The following NFATC1 variants were observed in gnomAD, a reference collection of about 807,000 sequenced individuals.
NFATC1 encodes nuclear factor of activated T-cells, cytoplasmic 1.
NFATC1 carries 22 observed loss-of-function variants against 76.0 expected under a neutral mutation model. That is an observed-to-expected ratio of 0.29 (90% CI 0.21 to 0.41). NFATC1 has a LOEUF of 0.41. Ranked by LOEUF, NFATC1 falls within the 10% of genes least tolerant of loss-of-function variation. The probability of loss-of-function intolerance (pLI) is 1.00; values close to 1 mark genes in which losing one functional copy is unlikely to be tolerated. For synonymous variants in NFATC1, 704 were observed against 613.1 expected (o/e 1.15, Z -2.19); for missense variants, 1,357 against 1,337.7 (o/e 1.01, Z -0.23).
intron 9 of NFATC1, chr18:79,493,636 A>T: frequency 6.6e-6 from 1 of 152,114 alleles, no homozygotes; most frequent in Non-Finnish European, 1.5e-5. Flanking sequence ...GCTGCTCCGG[A>T]GGACGAGAAG....
At chr18:79,472,948 G>A (rs1011375766) in intron 8 of NFATC1, among the ~76,000 whole-genome samples, 13 of 152,204 alleles carry the variant, frequency 8.5e-5, no homozygotes, top group Non-Finnish European at 1.8e-4. Context: ...CCCTCCAAGG[G>A]CCTAAAACGC....
chr18:79,448,982 C>T lies in NFATC1; in HGVS notation c.1587C>T (p.Ala529=), dbSNP rs770764215. 2.8e-5 allele frequency: 45 copies of T among 1,612,802 alleles called. No individual in the cohort carries two copies. The highest frequency in any genetic ancestry group is 3.3e-5 in the South Asian group (3 of 91,082). ...IPLLPENSMR[A]VIDCAGILKL... is the part of the protein sequence containing the mutation. ...TCCTGCCGGAGAACAGCATGCGAGCCGTGTAAGCCGCGGGGGACCTCCGGC... is the reference window on the plus strand; with the variant it reads ...TCCTGCCGGAGAACAGCATGCGAGCTGTGTAAGCCGCGGGGGACCTCCGGC... Residue 529 remains alanine (A), a splice_region_variant and synonymous_variant, in exon 4 of 10, where the codon GCC becomes GCT. Coordinates refer to ENST00000427363, the MANE Select transcript of NFATC1 (RefSeq NM_001278669.2).
intron 3 of NFATC1, among the ~76,000 whole-genome samples, chr18:79,447,057 T>C (rs2087237969): frequency 6.6e-6 from 1 of 152,254 alleles, no homozygotes; most frequent in African/African-American, 2.4e-5. Context: ...GCCTCGTCCC[T>C]GGAGGGCTCT....
chr18:79,427,745 T>C (rs1600682319), intron 2 of NFATC1, among the ~76,000 whole-genome samples: 1 of 18,552 alleles, frequency 5.4e-5, no homozygotes. Context: ...CTCTGTGCAG[T>C]GGGTGGGGGG....
chr18:79,397,914 T>C (rs575288718), intron 1 of NFATC1, among the ~76,000 whole-genome samples: 1 of 152,056 alleles, frequency 6.6e-6, no homozygotes, highest in East Asian at 1.9e-4. Flanking sequence ...CCGACCGACA[T>C]GGGTGTATTT....
chr18:79,447,534 G>A (rs2087263665), intron 3 of NFATC1, among the ~76,000 whole-genome samples: 2 of 152,236 alleles, frequency 1.3e-5, no homozygotes, highest in South Asian at 4.1e-4. Context: ...TCCCGGGGCT[G>A]GGCGTTGCCA....
At chr18:79,479,119 T>C (rs1220819978) in intron 8 of NFATC1, among the ~76,000 whole-genome samples, 1 of 152,238 alleles carries the variant, frequency 6.6e-6, no homozygotes, top group Non-Finnish European at 1.5e-5. Context: ...CCTTCCACAC[T>C]CTGCTCTTTG....
chr18:79,517,455 AC>A (rs1181328853), intron 9 of NFATC1, among the ~76,000 whole-genome samples: 1 of 152,150 alleles, frequency 6.6e-6, no homozygotes, highest in Non-Finnish European at 1.5e-5. Context: ...AGGTTTAATT[AC>A]GCTGTGTCCA....
chr18:79,468,674 G>A (rs1329641990), intron 8 of NFATC1: 4 of 152,246 alleles, frequency 2.6e-5, no homozygotes, highest in African/African-American at 4.8e-5. Flanking sequence ...GAATCCCCAC[G>A]TTCACACCAA....
intron 6 of NFATC1, 29 bp downstream of exon 6, chr18:79,451,845 G>A: frequency 1.3e-6 from 2 of 1,585,234 alleles, no homozygotes; most frequent in Non-Finnish European, 1.7e-6. Flanking sequence ...GCCATCTGCG[G>A]CCTGGGCTTC....
chr18:79,423,498 C>G (rs753955136), intron 2 of NFATC1, among the ~76,000 whole-genome samples: 4 of 152,214 alleles, frequency 2.6e-5, no homozygotes, highest in Non-Finnish European at 5.9e-5. Context: ...GACAGCAGAT[C>G]CTGCCCCAGG....
rs551493060 is a variant in NFATC1, at chr18:79,397,816, G to A, written c.127+1465G>A. Among the ~76,000 whole-genome samples, 3 of 152,288 alleles carry A rather than the reference G, an allele frequency of 2.0e-5. No individual in the cohort carries two copies. The East Asian group carries it at 5.8e-4, about 29-fold the overall frequency. The stretch of plus-strand genomic sequence containing the variant: ...CTTTTACGCAAGGAAAAAACACGAC[G>A]GGGCAGTGGCTAGTTTTCGTGTTTC... On this transcript the variant is annotated intron_variant, in intron 1 of 9. Transcript: ENST00000427363.
chr18:79,457,756 G>T (rs915079672), intron 6 of NFATC1, among the ~76,000 whole-genome samples: 2 of 151,976 alleles, frequency 1.3e-5, no homozygotes, highest in African/African-American at 2.4e-5. Flanking sequence ...ATGCCCCCTC[G>T]CCGTGGCCTC....
At position 79,407,035 on chromosome 18, in the gene NFATC1, G is replaced by A. The variant is rs905618163; in HGVS notation, c.128-3368G>A. Among the ~76,000 whole-genome samples the A allele has an allele frequency of 3.9e-5, 6 of 152,370 alleles. No individual in the cohort carries two copies. In the Middle Eastern group the frequency reaches 0.01, roughly 259 times the overall value. ...CGGGCCACGGAGGGGCCACCGTGAC[G>A]CCCAGGCGGAGCTCTCAGAGGGCTA... On this transcript the variant is annotated intron_variant, in intron 1 of 9. Transcript: ENST00000427363.
At position 79,411,318 on chromosome 18, in the gene NFATC1, T is replaced by C; in HGVS notation, c.1043T>C (p.Leu348Pro). The C allele has an allele frequency of 1.2e-6, 2 of 1,602,656 alleles. No homozygotes were observed. The highest frequency in any genetic ancestry group is 2.2e-5 in the South Asian group (2 of 90,616). ...TTLEQPPSVALKVEPVGEDLG... is the reference protein window; with the variant it reads ...TTLEQPPSVAPKVEPVGEDLG... Reference sequence around the variant, plus strand: ...CTGGAGCAGCCGCCCTCAGTGGCGCTCAAGGTGGAGCCCGTCGGGGAGGAC... The same window carrying C: ...CTGGAGCAGCCGCCCTCAGTGGCGCCCAAGGTGGAGCCCGTCGGGGAGGAC... Residue 348 changes from leucine (L) to proline (P), a missense_variant, in exon 2 of 10, where the codon CTC becomes CCC. This residue lies in a region of NFATC1 where 691 missense variants were observed against 613.1 expected (regional missense o/e 1.13). Transcript: ENST00000427363.
At chr18:79,400,137 G>C (rs1201718764) in intron 1 of NFATC1, 1 of 973,326 alleles carries the variant, frequency 1.0e-6, no homozygotes, top group Non-Finnish European at 1.3e-6. Flanking sequence ...GCGCGCGCGC[G>C]AGGGGGCGGG....
chr18:79,446,972 G>A (rs763010197), intron 3 of NFATC1, among the ~76,000 whole-genome samples: 4 of 152,210 alleles, frequency 2.6e-5, no homozygotes, highest in Non-Finnish European at 5.9e-5. Context: ...AGCCTCACGC[G>A]GCGTCCCAGT....
intron 9 of NFATC1, among the ~76,000 whole-genome samples, chr18:79,487,531 G>A (rs770639263): frequency 2.0e-5 from 3 of 152,222 alleles, no homozygotes; most frequent in Non-Finnish European, 2.9e-5. Context: ...CCCTGGGCTC[G>A]CACAGCGCGG....
chr18:79,481,732 A>T lies in NFATC1; in HGVS notation c.2093-4516A>T, dbSNP rs528096943. Among the ~76,000 whole-genome samples the T allele has an allele frequency of 2.6e-5, 4 of 152,276 alleles. No homozygotes were observed. In the South Asian group the frequency reaches 8.3e-4, roughly 32 times the overall value. On this transcript the variant is annotated intron_variant, in intron 8 of 9. Coordinates refer to ENST00000427363, the MANE Select transcript of NFATC1 (RefSeq NM_001278669.2). The stretch of plus-strand genomic sequence containing the variant: ...CTTCAGATGGGGCCCAGTGGGCCTC[A>T]CTGTTGTGACGACTGAATGTGACGT...
Sources: gnomAD v4.1 joint callset for allele counts (sites outside exome capture counted in the v4.1 genomes callset) on GRCh38, gnomAD v4.1.1 for gene constraint, gnomAD v4.1.1 regional missense constraint, MANE v1.5 for transcripts, NCBI Gene and HGNC (gene_info 2026-07-23, HGNC 2026-07-21) for gene names.